NME7: variants seen among roughly 807,000 people sequenced by gnomAD.
The protein encoded by NME7 is nucleoside diphosphate kinase 7.
A neutral mutation model predicts 49.1 loss-of-function variants in NME7; 41 were observed. That is an observed-to-expected ratio of 0.83 (90% CI 0.65 to 1.08). The LOEUF is 1.08. Ranked by LOEUF, NME7 falls within the 50% of genes least tolerant of loss-of-function variation. NME7 has a pLI of 0.00. For missense variants in NME7, 423 were observed against 463.4 expected (o/e 0.91, Z 0.80); for synonymous variants, 139 against 150.6 (o/e 0.92, Z 0.56).
rs576433216 is a variant in NME7 at position 169,280,447 on chromosome 1, A to C, written c.754+6856T>G. Among the ~76,000 whole-genome samples the C allele has an allele frequency of 2.7e-5, 4 of 150,166 alleles. No homozygotes were observed. The East Asian group carries it at 8.4e-4, about 31-fold the overall frequency. On this transcript the variant is annotated intron_variant, in intron 7 of 11. Coordinates refer to ENST00000367811, the MANE Select transcript of NME7 (RefSeq NM_013330.5). ...TGATAGTTTCTTTTGCTGTGCAGAA[A>C]CTCTTTAGTTTAATTAGATCCCATA...
At chr1:169,326,299 A>G (rs1652055506) in intron 1 of NME7, among the ~76,000 whole-genome samples, 1 of 152,196 alleles carries the variant, frequency 6.6e-6, no homozygotes, top group Non-Finnish European at 1.5e-5. Context: ...GCTTCTGGCT[A>G]TGACAAAGTA....
At position 169,343,664 on chromosome 1, in the gene NME7, T is replaced by G. The variant is rs976781177; in HGVS notation, c.4-19164A>C. Reference sequence around the variant, plus strand: ...ATGCCACCATGCCTGGCTAATTTTTTTTGTATTTTTATAGCAGACAGGGCT... The same window carrying G: ...ATGCCACCATGCCTGGCTAATTTTTGTTGTATTTTTATAGCAGACAGGGCT... On this transcript the variant is annotated intron_variant, in intron 1 of 11. Coordinates refer to ENST00000367811, the MANE Select transcript of NME7 (RefSeq NM_013330.5). Among the ~76,000 whole-genome samples, 23 of 152,170 alleles carry G rather than the reference T, an allele frequency of 1.5e-4. 1 individual carries two copies. In the East Asian group the frequency reaches 3.7e-3, roughly 24 times the overall value.
At chr1:169,232,260 C>G (rs1412257202) in intron 9 of NME7, among the ~76,000 whole-genome samples, 1 of 151,276 alleles carries the variant, frequency 6.6e-6, no homozygotes, top group Non-Finnish European at 1.5e-5. Context: ...AGAAACTATT[C>G]AAAAATAAGC....
intron 11 of NME7, among the ~76,000 whole-genome samples, chr1:169,158,670 C>A (rs79478286): frequency 2.6e-5 from 4 of 152,056 alleles, no homozygotes; most frequent in Non-Finnish European, 5.9e-5. Flanking sequence ...TGCACTAGGA[C>A]GGTAGTTCTC....
chr1:169,364,874 CTAAAATA>C (rs1557841832), intron 1 of NME7, among the ~76,000 whole-genome samples: 1 of 152,176 alleles, frequency 6.6e-6, no homozygotes, highest in Non-Finnish European at 1.5e-5. Context: ...CTAAAATCTG[CTAAAATA>C]TAGGCATAGG....
intron 6 of NME7, among the ~76,000 whole-genome samples, chr1:169,295,029 T>C (rs2101902924): frequency 6.6e-6 from 1 of 152,186 alleles, no homozygotes; most frequent in Admixed American, 6.5e-5. Flanking sequence ...CTGACACCTC[T>C]CCCGGTGGCT....
intron 11 of NME7, among the ~76,000 whole-genome samples, chr1:169,159,495 G>C (rs1659180341): frequency 6.6e-6 from 1 of 152,126 alleles, no homozygotes; most frequent in Non-Finnish European, 1.5e-5. Flanking sequence ...CAACATGGAG[G>C]CCATTATATT....
intron 1 of NME7, 117 bp from the exon 2 acceptor site, chr1:169,324,617 T>C (rs1490367223): frequency 4.8e-6 from 3 of 623,542 alleles, no homozygotes; most frequent in African/African-American, 3.7e-5. Flanking sequence ...CTACCTATTA[T>C]ATTGAATGTT....
intron 10 of NME7, among the ~76,000 whole-genome samples, chr1:169,180,010 A>G (rs1490349623): frequency 1.3e-5 from 2 of 152,128 alleles, no homozygotes; most frequent in African/African-American, 2.4e-5. Context: ...AGAAAGAAAC[A>G]ATGGGTCTAA....
At chr1:169,188,261 AT>A (rs1375624475) in intron 10 of NME7, among the ~76,000 whole-genome samples, 4 of 152,110 alleles carry the variant, frequency 2.6e-5, no homozygotes, top group African/African-American at 9.7e-5. Flanking sequence ...TATTTTATTG[AT>A]GGTTTTTGTT....
intron 7 of NME7, among the ~76,000 whole-genome samples, chr1:169,241,346 C>A (rs144606745): frequency 1.3e-5 from 2 of 151,764 alleles, no homozygotes; most frequent in Non-Finnish European, 2.9e-5. Flanking sequence ...GTTTTGTTCA[C>A]CATCGCTTTT....
chr1:169,183,427 G>A (rs1000162301), intron 10 of NME7, among the ~76,000 whole-genome samples: 4 of 152,132 alleles, frequency 2.6e-5, no homozygotes, highest in Non-Finnish European at 5.9e-5. Flanking sequence ...CTTGAGGCAA[G>A]ACTCCCATTT....
At chr1:169,318,105 A>G (rs530824635) in intron 3 of NME7, among the ~76,000 whole-genome samples, 2 of 152,334 alleles carry the variant, frequency 1.3e-5, no homozygotes, top group African/African-American at 2.4e-5. Context: ...AGGCAGGATG[A>G]GAACCCTGGG....
intron 10 of NME7, among the ~76,000 whole-genome samples, chr1:169,219,437 A>G (rs778955918): frequency 3.3e-5 from 5 of 152,194 alleles, no homozygotes; most frequent in Admixed American, 6.5e-5. Flanking sequence ...ACCATTTTAT[A>G]TAAGGGACTT....
chr1:169,149,421 G>A (rs1325114835), intron 11 of NME7, among the ~76,000 whole-genome samples: 2 of 152,158 alleles, frequency 1.3e-5, no homozygotes, highest in Admixed American at 6.5e-5. Flanking sequence ...TCTACTGCTA[G>A]AGGATTATAT....
At chr1:169,146,359 G>A (rs957332259) in intron 11 of NME7, among the ~76,000 whole-genome samples, 1 of 152,108 alleles carries the variant, frequency 6.6e-6, no homozygotes, top group Admixed American at 6.6e-5. Context: ...ATTCACACAG[G>A]CATTCTGTAT....
At chr1:169,354,276 G>T (rs1370647197) in intron 1 of NME7, among the ~76,000 whole-genome samples, 1 of 152,100 alleles carries the variant, frequency 6.6e-6, no homozygotes, top group Non-Finnish European at 1.5e-5. Context: ...TATGTTAAGT[G>T]AAATAAGCCA....
intron 3 of NME7, among the ~76,000 whole-genome samples, chr1:169,316,092 G>A (rs1217082344): frequency 6.6e-6 from 1 of 151,830 alleles, no homozygotes; most frequent in Non-Finnish European, 1.5e-5. Flanking sequence ...AACAAGAAGA[G>A]AAAATATTCT....
At chr1:169,341,097 T>C (rs892554994) in intron 1 of NME7, among the ~76,000 whole-genome samples, 1 of 152,162 alleles carries the variant, frequency 6.6e-6, no homozygotes, top group African/African-American at 2.4e-5. Flanking sequence ...GTGTCAGAGA[T>C]CTTCGTGGCA....
Sources: allele counts gnomAD v4.1 joint callset (sites outside exome capture counted in the v4.1 genomes callset), GRCh38; gene constraint gnomAD v4.1.1; transcripts MANE v1.5; gene names NCBI Gene and HGNC (gene_info 2026-07-23, HGNC 2026-07-21).